Variants in G3BP2 observed in about 807,000 individuals in gnomAD.
The protein encoded by G3BP2 is G3BP stress granule assembly factor 2, also known as ras GTPase-activating protein-binding protein 2.
A neutral mutation model predicts 56.7 loss-of-function variants in G3BP2; 11 were observed. That is an observed-to-expected ratio of 0.19 (90% confidence interval 0.12 to 0.32). G3BP2 has a LOEUF of 0.32. Ranked by LOEUF, G3BP2 falls within the 10% of genes least tolerant of loss-of-function variation. The pLI is 1.00. For missense variants in G3BP2, 340 were observed against 610.9 expected (o/e 0.56, Z 4.67); for synonymous variants, 165 against 191.6 (o/e 0.86, Z 1.15).
At chr4:75,675,066 G>C (rs1440509565), upstream of G3BP2, among the ~76,000 whole-genome samples, 3 of 151,968 alleles carry the variant, frequency 2.0e-5, no homozygotes, top group Non-Finnish European at 2.9e-5. Context: ...GAGAAAACAG[G>C]CTTGGAGAGG....
rs1450693641 is a variant in G3BP2 at position 75,655,776 on chromosome 4, G to T, written c.537C>A (p.His179Gln). Reference sequence around the variant, plus strand: ...GCAAATAGTATGCTTACGTCACAGGGTGAGCTTCATAGTAACCACTGTTAG... The same window carrying T: ...GCAAATAGTATGCTTACGTCACAGGTTGAGCTTCATAGTAACCACTGTTAG... ...ENANSGYYEA[H>Q]PVTNGIEEPL... Residue 179 changes from histidine to glutamine, a missense_variant, in exon 6 of 12, where the codon CAC (histidine) becomes CAA (glutamine). Coordinates refer to ENST00000359707, the MANE Select transcript of G3BP2 (RefSeq NM_203505.3). 1 of 1,555,088 alleles carries T rather than the reference G, an allele frequency of 6.4e-7. No individual in the cohort carries two copies. Among genetic ancestry groups the T allele is most frequent in the Non-Finnish European group, 8.9e-7 (1 of 1,126,316 alleles).
At chr4:75,712,879 G>A (rs904826988) in intron 3 of G3BP2, among the ~76,000 whole-genome samples, 3 of 152,044 alleles carry the variant, frequency 2.0e-5, no homozygotes, top group Non-Finnish European at 4.4e-5. Context: ...GCTGAAGGGA[G>A]TGACAAAAGA....
chr4:75,719,459 C>T (rs1034114424), intron 3 of G3BP2, among the ~76,000 whole-genome samples: 7 of 151,730 alleles, frequency 4.6e-5, no homozygotes, highest in African/African-American at 1.7e-4. Context: ...ATGAACGTTA[C>T]AGATATTATC....
intron 3 of G3BP2, among the ~76,000 whole-genome samples, chr4:75,711,058 GCCTGTAAT>G (rs1264241592): frequency 2.6e-5 from 4 of 152,096 alleles, no homozygotes; most frequent in Non-Finnish European, 5.9e-5. Context: ...AGTGGCTCAC[GCCTGTAAT>G]CCTAACACTT....
intron 2 of G3BP2, 73 bp downstream of exon 2, chr4:75,661,858 A>G (rs946716919): frequency 3.7e-5 from 27 of 726,490 alleles, no homozygotes; most frequent in Middle Eastern, 2.5e-4. Flanking sequence ...GGAGACAGGA[A>G]ATGCAAAATA....
chr4:75,662,128 C>G, intron 1 of G3BP2, 79 bp from the exon 2 acceptor site: 4 of 812,720 alleles, frequency 4.9e-6, no homozygotes, highest in Non-Finnish European at 6.1e-6. Context: ...TTCTTTTTAG[C>G]CAAATTTAGC....
intron 3 of G3BP2, among the ~76,000 whole-genome samples, chr4:75,679,808 G>A (rs1281822951): frequency 1.3e-5 from 2 of 152,166 alleles, no homozygotes; most frequent in Admixed American, 1.3e-4. Context: ...TAACACTCTT[G>A]AAGCCATGAT....
chr4:75,681,625 G>A (rs1359706147), intron 3 of G3BP2, among the ~76,000 whole-genome samples: 2 of 152,100 alleles, frequency 1.3e-5, no homozygotes, highest in East Asian at 3.9e-4. Context: ...TGAGGCAGGT[G>A]GATCACCTGA....
chr4:75,702,307 C>A (rs1339464787), intron 3 of G3BP2, among the ~76,000 whole-genome samples: 1 of 151,942 alleles, frequency 6.6e-6, no homozygotes, highest in Non-Finnish European at 1.5e-5. Context: ...TCACACCCGG[C>A]TAATTCTTAT....
In G3BP2 at chr4:75,658,868, G is replaced by A; in HGVS notation, c.152C>T (p.Pro51Leu). 2 of 1,612,124 alleles carry A rather than the reference G, an allele frequency of 1.2e-6. No individual in the cohort carries two copies. Among genetic ancestry groups the A allele is most frequent in the Non-Finnish European group, 1.7e-6 (2 of 1,178,224 alleles). Reference sequence around the variant, plus strand: ...ATTTTGGCCATAAACAGCTTCCTGGGGCTTTCCACTAGCATCTACTCCACC... The same window carrying A: ...ATTTTGGCCATAAACAGCTTCCTGGAGCTTTCCACTAGCATCTACTCCACC... ...VHGGVDASGK[P>L]QEAVYGQNDI... The change falls in exon 3 of 12, where the codon CCC becomes CTC. Residue 51 changes from proline (P) to leucine (L), a missense_variant. Around this residue, in one of 4 missense-constraint regions of G3BP2, gnomAD observed 21 missense variants for 83.7 expected, o/e 0.25. Coordinates refer to ENST00000359707, the MANE Select transcript of G3BP2 (RefSeq NM_203505.3).
At chr4:75,683,020 A>T (rs1221862891) in intron 3 of G3BP2, among the ~76,000 whole-genome samples, 1 of 151,740 alleles carries the variant, frequency 6.6e-6, no homozygotes, top group Admixed American at 6.6e-5. Context: ...CATGCAGCTG[A>T]TAGACACAGC....
chr4:75,713,584 C>A (rs926525854), intron 3 of G3BP2, among the ~76,000 whole-genome samples: 1 of 152,068 alleles, frequency 6.6e-6, no homozygotes, highest in Non-Finnish European at 1.5e-5. Context: ...GAGTTCAAGA[C>A]CAGCCTGGGC....
intron 3 of G3BP2, among the ~76,000 whole-genome samples, chr4:75,706,546 G>A (rs572686904): frequency 1.3e-5 from 2 of 151,886 alleles, no homozygotes; most frequent in Admixed American, 6.6e-5. Flanking sequence ...GCGTGGTGGC[G>A]CATGCCTGTA....
chr4:75,657,617 C>T lies in G3BP2; in HGVS notation c.291G>A (p.Leu97=), dbSNP rs1437766412. ...TTTCTGGTTGTCCACTGTTAGACAG[C>T]AAACCCATGACCTGGACAACTACTC... ...SDGVVVQVMG[L]LSNSGQPERK... Residue 97 remains leucine (L), a synonymous_variant, in exon 4 of 12, where the codon TTG becomes TTA. Coordinates refer to ENST00000359707, the MANE Select transcript of G3BP2 (RefSeq NM_203505.3). 2 of 1,613,392 alleles carry T rather than the reference C, an allele frequency of 1.2e-6. No homozygotes were observed. Among genetic ancestry groups the T allele is most frequent in the African/African-American group, 2.7e-5 (2 of 74,888 alleles).
chr4:75,689,862 T>TA (rs1718777497), intron 3 of G3BP2, among the ~76,000 whole-genome samples: 1 of 152,138 alleles, frequency 6.6e-6, no homozygotes, highest in African/African-American at 2.4e-5. Context: ...AGAAGATATA[T>TA]TTTACAAGTA....
At chr4:75,655,325 G>C (rs1004655234) in intron 6 of G3BP2, 79 bp from the exon 7 acceptor site, 1 of 994,854 alleles carries the variant, frequency 1.0e-6, no homozygotes, top group African/African-American at 1.6e-5. Flanking sequence ...TCCAATGGGT[G>C]TAACTAGTTA....
chr4:75,659,915 T>C (rs909119935), intron 2 of G3BP2, among the ~76,000 whole-genome samples: 1 of 152,200 alleles, frequency 6.6e-6, no homozygotes, highest in East Asian at 1.9e-4. Context: ...TGTGTGTGTA[T>C]ACACATGAAA....
chr4:75,688,113 C>T (rs917627264), intron 3 of G3BP2, among the ~76,000 whole-genome samples: 1 of 152,152 alleles, frequency 6.6e-6, no homozygotes, highest in Admixed American at 6.6e-5. Context: ...AACTCTACGT[C>T]TCATTTTGCT....
chr4:75,648,733 G>GCTAAATTGA lies in G3BP2; in HGVS notation c.833_834insTCAATTTAG (p.Val278_Glu279insGlnPheSer). 6.3e-7 allele frequency: 1 copy of GCTAAATTGA among 1,595,988 alleles called. No individual in the cohort carries two copies. The highest frequency in any genetic ancestry group is 8.6e-7 in the Non-Finnish European group (1 of 1,165,000). ...GAGATTGAACTTCTGGTTTAGCTTCGACTCTTGGCTAAAATATAAAGAAAA... is the reference window on the plus strand; with the variant it reads ...GAGATTGAACTTCTGGTTTAGCTTCGCTAAATTGAACTCTTGGCTAAAATATAAAGAAAA... On this transcript the variant is annotated inframe_insertion, in exon 9 of 12. Transcript: ENST00000359707.
Sources: allele counts gnomAD v4.1 joint callset (sites outside exome capture counted in the v4.1 genomes callset), GRCh38; gene constraint gnomAD v4.1.1; regional missense constraint gnomAD v4.1.1; transcripts MANE v1.5; gene names NCBI Gene and HGNC (gene_info 2026-07-23, HGNC 2026-07-21).